IFT140: variants seen among roughly 807,000 people sequenced by gnomAD.
IFT140 encodes the protein intraflagellar transport 140.
A neutral mutation model predicts 164.6 loss-of-function variants in IFT140; 133 were observed. That is an observed-to-expected ratio of 0.81 (90% CI 0.70 to 0.93). IFT140 has a LOEUF of 0.93. IFT140 is among the 40% of genes least tolerant of loss of function. The pLI is 0.00. For synonymous variants in IFT140, 860 were observed against 817.3 expected (o/e 1.05, Z -0.89); for missense variants, 2,045 against 1,972.3 (o/e 1.04, Z -0.70).
In IFT140 at chr16:1,520,683, C is replaced by T. The variant is rs1426682238; in HGVS notation, c.3579G>A (p.Glu1193=). ...GGCGCATGCAGCAGTCTGCTATCTG[C>T]TCCAGCAGCTCCCGCCGCGACTCCT... is the stretch of plus-strand genomic sequence containing the variant. ...LPEESRRELL[E]QIADCCMRQG... Residue 1193 remains glutamate, a synonymous_variant, in exon 27 of 31, where the codon GAG becomes GAA. Transcript: ENST00000426508. 6 of 1,608,598 alleles carry T rather than the reference C, an allele frequency of 3.7e-6. No individual in the cohort carries two copies. Among genetic ancestry groups the T allele is most frequent in the East Asian group, 2.2e-5 (1 of 44,824 alleles).
Position 1,584,270 on chromosome 16 carries a change from C to A in IFT140, c.1306G>T (p.Val436Phe), listed in dbSNP as rs764912104. The A allele has an allele frequency of 1.9e-5, 30 of 1,613,710 alleles. No individual in the cohort carries two copies. The highest frequency in any genetic ancestry group is 2.7e-5 in the African/African-American group (2 of 74,896). The part of the protein sequence containing the change: ...LLNVCFLSTG[V>F]AHSLRTDMHI... ...ATGTCGGTGCGCAGGCTGTGTGCGA[C>A]CCCCGTGGACAGGAAGCACACATTC... The change falls in exon 11 of 31, where the codon GTC becomes TTC. Residue 436 changes from valine (V) to phenylalanine (F), a missense_variant. Val to Phe is a conservative substitution (Grantham distance 50). Transcript: ENST00000426508.
In IFT140 at chr16:1,520,043, T is replaced by A; in HGVS notation, c.3878A>T (p.Glu1293Val). 6.2e-7 allele frequency: 1 copy of A among 1,602,080 alleles called. No homozygotes were observed. Among genetic ancestry groups the A allele is most frequent in the Non-Finnish European group, 8.5e-7 (1 of 1,173,636 alleles). Residue 1293 changes from glutamate (E) to valine (V), a missense_variant, in exon 29 of 31, where the codon GAG becomes GTG. Glu to Val is a moderately radical substitution (Grantham distance 121). Transcript: ENST00000426508. ...GTCGTAGTTCTGGTATTCATCAATC[T>A]CCACCTGTACAGATGAAACCCGTCA... The part of the protein sequence containing the change: ...AGFYDACAQV[E>V]IDEYQNYDKA...
At position 1,584,557 on chromosome 16, in the gene IFT140, C is replaced by T. The variant is rs538221305; in HGVS notation, c.1156-137G>A. 135 of 690,962 alleles carry T rather than the reference C, an allele frequency of 2.0e-4. No individual in the cohort carries two copies. The Middle Eastern group carries it at 3.6e-3, about 18-fold the overall frequency. The allele number at this position is 690,962 out of a possible 1,614,324, so 42.8% of individuals were successfully genotyped here. A position where few individuals can be genotyped will look rare whatever the true frequency, so the allele number is the denominator to read the frequency against. ...CATTGTTCCGGACTTAAAAAATGAT[C>T]TTATAAGACATTATAAGAAAAGTCT... is the stretch of plus-strand genomic sequence containing the variant. On this transcript the variant is annotated intron_variant, in intron 10 of 30. Coordinates refer to ENST00000426508, the MANE Select transcript of IFT140 (RefSeq NM_014714.4).
chr16:1,579,140 T>A (rs1024429865), intron 13 of IFT140: 2 of 152,254 alleles, frequency 1.3e-5, no homozygotes, highest in Non-Finnish European at 2.9e-5. Context: ...ATACTGTTTT[T>A]CTCACAATAA....
intron 19 of IFT140, among the ~76,000 whole-genome samples, chr16:1,528,532 A>C (rs775090997): frequency 3.5e-5 from 5 of 143,982 alleles, no homozygotes; most frequent in East Asian, 2.1e-4. Context: ...GGCACACACA[A>C]GCACATGCAC....
rs1253487548 is a variant in IFT140, at chr16:1,568,328, G to C, written c.1659C>G (p.Ala553=). ...GGCTCCTGCAGCTACAGTGTGCTTTGGCCTCTCTGCAGGGAGGAAGAGGGA... is the reference window on the plus strand; with the variant it reads ...GGCTCCTGCAGCTACAGTGTGCTTTCGCCTCTCTGCAGGGAGGAAGAGGGA... The part of the protein sequence containing the change: ...FKSFDLSRRE[A]KAHCSCRSLA... Residue 553 remains alanine, a synonymous_variant, in exon 15 of 31, where the codon GCC becomes GCG. Transcript: ENST00000426508. 1.2e-6 allele frequency: 2 copies of C among 1,613,430 alleles called. No individual in the cohort carries two copies. The highest frequency in any genetic ancestry group is 1.7e-6 in the Non-Finnish European group (2 of 1,179,826).
rs567716776 is a variant in IFT140, at chr16:1,564,997, G to C, written c.1902-835C>G. ...GGCGGCTCTGAGGCCCAGAGAGCCCGGGGACACAAGCTGGTTCCCGTGAGG... is the reference window on the plus strand; with the variant it reads ...GGCGGCTCTGAGGCCCAGAGAGCCCCGGGACACAAGCTGGTTCCCGTGAGG... On this transcript the variant is annotated intron_variant, in intron 16 of 30. Transcript: ENST00000426508. The surrounding 1 kb of genome is among the most constrained non-coding windows in gnomAD (Gnocchi z 5.5). 1.8e-4 allele frequency among the ~76,000 whole-genome samples: 27 copies of C among 152,290 alleles called. 1 individual carries two copies. In the South Asian group the frequency reaches 3.1e-3, roughly 18 times the overall value.
At position 1,539,282 on chromosome 16, in the gene IFT140, C is replaced by G. The variant is rs376974733; in HGVS notation, c.2400-12486G>C. Among the ~76,000 whole-genome samples, 7 of 151,636 alleles carry G rather than the reference C, an allele frequency of 4.6e-5. No homozygotes were observed. The East Asian group carries it at 1.4e-3, about 29-fold the overall frequency. ...AGCCACCCCACACCTTGGGCCTCAC[C>G]AAGCCGCACAGTGCCAGTGACGTCC... On this transcript the variant is annotated intron_variant, in intron 19 of 30. Transcript: ENST00000426508.
Position 1,519,962 on chromosome 16 carries a change from T to TTGGCCA in IFT140, c.3958_3959insTGGCCA (p.Ala1319_Lys1320insMetAla). 6.3e-7 allele frequency: 1 copy of TTGGCCA among 1,598,828 alleles called. No individual in the cohort carries two copies. Among genetic ancestry groups the TTGGCCA allele is most frequent in the South Asian group, 1.1e-5 (1 of 89,980 alleles). ...CCTGGTCTCCTGGTCCAGGGGGCTC[T>TTGGCCA]TGGCCTTGGCCTTGGCCAGGCACTT... On this transcript the variant is annotated inframe_insertion, in exon 29 of 31. Transcript: ENST00000426508.
At chr16:1,550,926 G>A (rs913057221) in intron 19 of IFT140, among the ~76,000 whole-genome samples, 1 of 152,206 alleles carries the variant, frequency 6.6e-6, no homozygotes, top group Admixed American at 6.5e-5. Flanking sequence ...ACAGGGCCAC[G>A]TAGCCGATGC....
At chr16:1,545,591 C>T (rs1472285568) in intron 19 of IFT140, among the ~76,000 whole-genome samples, 2 of 152,160 alleles carry the variant, frequency 1.3e-5, no homozygotes, top group Non-Finnish European at 2.9e-5. Context: ...TGTCACAGGA[C>T]AAGGAAACGC....
At chr16:1,562,574 C>T (rs2033474714) in intron 17 of IFT140, among the ~76,000 whole-genome samples, 1 of 152,102 alleles carries the variant, frequency 6.6e-6, no homozygotes, top group Non-Finnish European at 1.5e-5. Flanking sequence ...GAGTTTGAGA[C>T]CAGCCTGGCC....
intron 19 of IFT140, among the ~76,000 whole-genome samples, chr16:1,552,393 C>T (rs1169689409): frequency 6.6e-6 from 1 of 152,124 alleles, no homozygotes; most frequent in Non-Finnish European, 1.5e-5. Context: ...GCTGTGCCTG[C>T]CCTGCCTCCA....
chr16:1,529,639 C>T (rs1009202573), intron 19 of IFT140, among the ~76,000 whole-genome samples: 11 of 152,268 alleles, frequency 7.2e-5, no homozygotes, highest in Non-Finnish European at 1.0e-4. Context: ...CTCTAGAGCT[C>T]CAGGCAGGAA....
At chr16:1,530,126 C>T (rs915409315) in intron 19 of IFT140, among the ~76,000 whole-genome samples, 5 of 131,468 alleles carry the variant, frequency 3.8e-5, no homozygotes, top group African/African-American at 6.9e-5. Context: ...GACTTCACGA[C>T]GGGAATCTTT....
rs542019042 is a variant in IFT140 at position 1,524,759 on chromosome 16, G to A, written c.2997+25C>T. 8.8e-6 allele frequency: 14 copies of A among 1,591,778 alleles called. No individual in the cohort carries two copies. In the African/African-American group the frequency reaches 1.7e-4, roughly 20 times the overall value. ...CTTGTGTCTGCCTCGTGTCCGCCTG[G>A]CCGGCTCCCCTGCGGGGACCTTACC... On this transcript the variant is annotated intron_variant, in intron 23 of 30. Coordinates refer to ENST00000426508, the MANE Select transcript of IFT140 (RefSeq NM_014714.4).
intron 13 of IFT140, among the ~76,000 whole-genome samples, chr16:1,579,963 CAAA>C (rs56411833): frequency 8.4e-5 from 9 of 106,732 alleles, no homozygotes; most frequent in Admixed American, 1.0e-4. Flanking sequence ...GACTCCATCT[CAAA>C]AAAAAAAAAA....
intron 30 of IFT140, among the ~76,000 whole-genome samples, chr16:1,511,818 C>CCA (rs2040167538): frequency 6.6e-6 from 1 of 150,978 alleles, no homozygotes; most frequent in Admixed American, 6.6e-5. Flanking sequence ...AGGCGCTGTG[C>CCA]TGGGGACACA....
At chr16:1,575,112 C>T (rs1288638835) in intron 13 of IFT140, among the ~76,000 whole-genome samples, 1 of 152,144 alleles carries the variant, frequency 6.6e-6, no homozygotes, top group Non-Finnish European at 1.5e-5. Flanking sequence ...CACCTCTAAT[C>T]CCAACACTTT....
Sources: gnomAD v4.1 joint callset for allele counts (sites outside exome capture counted in the v4.1 genomes callset) on GRCh38, gnomAD v4.1.1 for gene constraint, Gnocchi (gnomAD v3.1) non-coding constraint, MANE v1.5 for transcripts, NCBI Gene and HGNC (gene_info 2026-07-23, HGNC 2026-07-21) for gene names.